CLPB: variants seen among roughly 807,000 people sequenced by gnomAD.
The protein encoded by CLPB is ClpB family mitochondrial disaggregase.
In CLPB, 40 loss-of-function variants were observed where a neutral mutation model predicts 78.4. That is an observed-to-expected ratio of 0.51 (90% CI 0.40 to 0.66). The LOEUF (loss-of-function observed/expected upper bound fraction) is 0.66. Ranked by LOEUF, CLPB falls within the 30% of genes least tolerant of loss-of-function variation. The probability of loss-of-function intolerance (pLI) is 0.00; values close to 1 mark genes in which losing one functional copy is unlikely to be tolerated. For missense variants in CLPB, 780 were observed against 886.9 expected (o/e 0.88, Z 1.53); for synonymous variants, 333 against 348.0 (o/e 0.96, Z 0.48).
chr11:72,299,583 C>T (rs1395743215), intron 11 of CLPB, among the ~76,000 whole-genome samples: 2 of 152,226 alleles, frequency 1.3e-5, no homozygotes, highest in Non-Finnish European at 2.9e-5. Flanking sequence ...CCACTCTGTT[C>T]ACCTAGCACT....
In CLPB at chr11:72,288,775, A is replaced by G. The variant is rs1361185954; in HGVS notation, c.*4592T>C. ...TCTTAGAACTTACATTCTAGTGATGAAGACACAGAACAAGTAGGACAAGTG... is the reference window on the plus strand; with the variant it reads ...TCTTAGAACTTACATTCTAGTGATGGAGACACAGAACAAGTAGGACAAGTG... On this transcript the variant is annotated 3_prime_UTR_variant, in exon 16 of 16. Coordinates refer to ENST00000538039, the MANE Select transcript of CLPB (RefSeq NM_001258392.3). 1.3e-5 allele frequency: 2 copies of G among 152,290 alleles called. No individual in the cohort carries two copies. Among genetic ancestry groups the G allele is most frequent in the East Asian group, 3.8e-4 (2 of 5,196 alleles). 9.4% of individuals were successfully genotyped at this position (152,290 alleles called of 1,614,324 possible).
intron 3 of CLPB, among the ~76,000 whole-genome samples, chr11:72,390,435 CA>C (rs534485326): frequency 5.9e-5 from 3 of 50,456 alleles, no homozygotes; most frequent in South Asian, 6.8e-4. Flanking sequence ...GAGACTGTCT[CA>C]AAAAAAAAAC....
intron 4 of CLPB, among the ~76,000 whole-genome samples, chr11:72,372,408 T>C (rs1293541658): frequency 6.6e-6 from 1 of 152,230 alleles, no homozygotes; most frequent in Non-Finnish European, 1.5e-5. Context: ...TATAGAAAAT[T>C]GCTCCAGGTG....
intron 7 of CLPB, among the ~76,000 whole-genome samples, chr11:72,313,577 T>C (rs1421516976): frequency 1.3e-5 from 2 of 152,130 alleles, no homozygotes; most frequent in African/African-American, 4.8e-5. Flanking sequence ...CATACAAACA[T>C]AGTAGATAAC....
At chr11:72,307,861 C>G (rs1165979182) in intron 8 of CLPB, among the ~76,000 whole-genome samples, 1 of 152,062 alleles carries the variant, frequency 6.6e-6, no homozygotes. Context: ...TGGTGGTATC[C>G]TTTTGGGGGC....
intron 5 of CLPB, among the ~76,000 whole-genome samples, chr11:72,341,183 C>A (rs1950414488): frequency 6.6e-6 from 1 of 152,134 alleles, no homozygotes; most frequent in Non-Finnish European, 1.5e-5. Flanking sequence ...AAAATGGTAA[C>A]TGTTGTTATT....
intron 3 of CLPB, among the ~76,000 whole-genome samples, chr11:72,385,124 G>T (rs1855037404): frequency 6.6e-6 from 1 of 152,156 alleles, no homozygotes. Flanking sequence ...AACATTAAAG[G>T]TCTCCCCTTA....
At chr11:72,322,853 A>C (rs889489028) in intron 6 of CLPB, among the ~76,000 whole-genome samples, 2 of 152,164 alleles carry the variant, frequency 1.3e-5, no homozygotes, top group African/African-American at 4.8e-5. Context: ...CATTAATTTT[A>C]GCACTCACTG....
In CLPB at chr11:72,293,972, C is replaced by T. The variant is rs577263119; in HGVS notation, c.1785+50G>A. On this transcript the variant is annotated intron_variant, in intron 15 of 15. Transcript: ENST00000538039. ...GCTCAGGGACTGGGTCTGGGGGGCC[C>T]TGGGGAGGGAGGTGTGGAGGCGCCT... The T allele has an allele frequency of 8.5e-5, 130 of 1,520,904 alleles. No individual in the cohort carries two copies. The South Asian group carries it at 1.2e-3, about 14-fold the overall frequency. The allele number at this position is 1,520,904 out of a possible 1,614,324, so 94.2% of individuals were successfully genotyped here. A position where few individuals can be genotyped will look rare whatever the true frequency, so the allele number is the denominator to read the frequency against.
chr11:72,301,690 G>A (rs1296273862), intron 11 of CLPB, 113 bp downstream of exon 11: 1 of 1,163,738 alleles, frequency 8.6e-7, no homozygotes, highest in Non-Finnish European at 1.2e-6. Flanking sequence ...ACACATGCGG[G>A]AGCAGGAAGC....
chr11:72,390,912 T>C (rs538875245), intron 3 of CLPB, among the ~76,000 whole-genome samples: 1 of 152,218 alleles, frequency 6.6e-6, no homozygotes, highest in Non-Finnish European at 1.5e-5. Context: ...GGCCATCAAG[T>C]GTCCACCACT....
At chr11:72,422,989 C>T (rs1856255996) in intron 2 of CLPB, among the ~76,000 whole-genome samples, 1 of 152,200 alleles carries the variant, frequency 6.6e-6, no homozygotes, top group Non-Finnish European at 1.5e-5. Flanking sequence ...TATGTTTACC[C>T]CTCAACAAAG....
intron 5 of CLPB, among the ~76,000 whole-genome samples, chr11:72,340,625 C>T (rs115395876): frequency 0.038 from 5,804 of 152,286 alleles, 350 homozygotes; most frequent in African/African-American, 0.12. Context: ...AGCAACCAAC[C>T]AACATTCTAG....
intron 11 of CLPB, among the ~76,000 whole-genome samples, chr11:72,297,636 GGT>G (rs67807556): frequency 0.064 from 5,969 of 92,892 alleles, 274 homozygotes; most frequent in Non-Finnish European, 0.087. Flanking sequence ...TTGGGGACCA[GGT>G]GTGTGTGTGT....
intron 4 of CLPB, among the ~76,000 whole-genome samples, chr11:72,372,259 TGAG>T (rs1265423783): frequency 6.6e-6 from 1 of 152,190 alleles, no homozygotes; most frequent in South Asian, 2.1e-4. Flanking sequence ...GTTAAGAATA[TGAG>T]GAGGAGGATG....
At chr11:72,327,546 G>A (rs1950152806) in intron 6 of CLPB, among the ~76,000 whole-genome samples, 1 of 152,102 alleles carries the variant, frequency 6.6e-6, no homozygotes, top group Admixed American at 6.5e-5. Context: ...TCCCTCAGTG[G>A]GCCTAACCCC....
chr11:72,351,198 G>A (rs2135590361), intron 5 of CLPB: 1 of 152,388 alleles, frequency 6.6e-6, no homozygotes, highest in Admixed American at 6.5e-5. Context: ...AGGGTGAGAT[G>A]TGGCAGAACT....
At chr11:72,386,538 G>A (rs1391622345) in intron 3 of CLPB, among the ~76,000 whole-genome samples, 1 of 152,180 alleles carries the variant, frequency 6.6e-6, no homozygotes, top group East Asian at 1.9e-4. Flanking sequence ...AACAGGCACA[G>A]TATCTGATTC....
chr11:72,305,243 A>AGGTG (rs1422135758), intron 9 of CLPB, among the ~76,000 whole-genome samples: 1 of 152,194 alleles, frequency 6.6e-6, no homozygotes, highest in Non-Finnish European at 1.5e-5. Context: ...TTCCCCTAAT[A>AGGTG]GGTGACCTTA....
Sources: gnomAD v4.1 joint callset for allele counts (sites outside exome capture counted in the v4.1 genomes callset) on GRCh38, gnomAD v4.1.1 for gene constraint, MANE v1.5 for transcripts, NCBI Gene and HGNC (gene_info 2026-07-23, HGNC 2026-07-21) for gene names.